The following ATP6V0A1 variants were observed in gnomAD, a reference collection of about 807,000 sequenced individuals.
ATP6V0A1 encodes ATPase H+ transporting V0 subunit a1.
In ATP6V0A1, 43 loss-of-function variants were observed where a neutral mutation model predicts 105.4. That is an observed-to-expected ratio of 0.41 (90% CI 0.32 to 0.53). ATP6V0A1 has a LOEUF of 0.53. Ranked by LOEUF, ATP6V0A1 falls within the 20% of genes least tolerant of loss-of-function variation. The pLI, the probability that ATP6V0A1 is intolerant of heterozygous loss-of-function variation, is 0.30. For synonymous variants in ATP6V0A1, 362 were observed against 372.8 expected (o/e 0.97, Z 0.33); for missense variants, 676 against 1,051.1 (o/e 0.64, Z 4.93).
chr17:42,508,705 C>T lies in ATP6V0A1; in HGVS notation c.2130+116C>T. ...GGCCATACACATGACTCCTGTGCCT[C>T]TGCATCTCACTGGCCATTTCAAACC... On this transcript the variant is annotated intron_variant, in intron 19 of 21. Coordinates refer to ENST00000343619, the MANE Select transcript of ATP6V0A1 (RefSeq NM_001130021.3). The T allele has an allele frequency of 2.9e-6, 4 of 1,377,492 alleles. No homozygotes were observed. The Admixed American group carries it at 7.2e-5, about 25-fold the overall frequency. The allele number at this position is 1,377,492 out of a possible 1,614,324, so 85.3% of individuals were successfully genotyped here.
At chr17:42,490,438 A>G in intron 10 of ATP6V0A1, 49 bp from the exon 11 acceptor site, 3 of 1,524,662 alleles carry the variant, frequency 2.0e-6, no homozygotes, top group Non-Finnish European at 2.6e-6. Context: ...AACCACTACC[A>G]CAATTAGGAG....
intron 17 of ATP6V0A1, among the ~76,000 whole-genome samples, chr17:42,505,082 C>T (rs1206470143): frequency 6.6e-6 from 1 of 151,076 alleles, no homozygotes. Context: ...TGTCACCCAG[C>T]TGTAGTGCAG....
chr17:42,459,453 C>T lies in ATP6V0A1; in HGVS notation c.-48+490C>T, dbSNP rs1407867886. Among the ~76,000 whole-genome samples, 7 of 152,162 alleles carry T rather than the reference C, an allele frequency of 4.6e-5. No homozygotes were observed. The East Asian group carries it at 1.3e-3, about 29-fold the overall frequency. On this transcript the variant is annotated intron_variant, in intron 1 of 21. Transcript: ENST00000343619. ...CTCATCTTTTGCAGAATTGCTGTTT[C>T]TTCATATTTTGTTTTGTGATCGTCC...
intron 8 of ATP6V0A1, 131 bp from the exon 9 acceptor site, chr17:42,482,907 A>C: frequency 2.1e-6 from 1 of 468,810 alleles, no homozygotes; most frequent in Non-Finnish European, 3.3e-6. Flanking sequence ...AAAAAAAAAA[A>C]AAAAAAAAAG....
chr17:42,481,535 A>T lies in ATP6V0A1; in HGVS notation c.716+786A>T, dbSNP rs542340229. On this transcript the variant is annotated intron_variant, in intron 8 of 21. Transcript: ENST00000343619. The stretch of plus-strand genomic sequence containing the variant: ...CTGTGCCTGGCCCTAAATTCATTTT[A>T]AAAAATACCATCAGAACCACAGTTG... Among the ~76,000 whole-genome samples, 8 of 152,146 alleles carry T rather than the reference A, an allele frequency of 5.3e-5. No individual in the cohort carries two copies. In the South Asian group the frequency reaches 1.5e-3, roughly 28 times the overall value.
chr17:42,484,031 T>C (rs1486287956), intron 9 of ATP6V0A1, among the ~76,000 whole-genome samples: 2 of 150,622 alleles, frequency 1.3e-5, no homozygotes, highest in African/African-American at 4.9e-5. Flanking sequence ...TCTGAGATAG[T>C]TTTTTTTGTT....
intron 20 of ATP6V0A1, 119 bp downstream of exon 20, chr17:42,514,097 G>A (rs1320741773): frequency 1.5e-6 from 2 of 1,335,058 alleles, no homozygotes; most frequent in South Asian, 1.3e-5. Flanking sequence ...TCAGGTTCCT[G>A]AACCCAAGGA....
intron 2 of ATP6V0A1, among the ~76,000 whole-genome samples, chr17:42,462,270 C>T (rs969105543): frequency 6.6e-6 from 1 of 151,672 alleles, no homozygotes; most frequent in Admixed American, 6.6e-5. Context: ...ACCTATGTTT[C>T]TACTATCTGC....
chr17:42,475,004 T>A (rs1034420312), intron 5 of ATP6V0A1, among the ~76,000 whole-genome samples: 2 of 152,334 alleles, frequency 1.3e-5, no homozygotes, highest in Admixed American at 1.3e-4. Context: ...TGGAGAGATT[T>A]CTCTGCATCT....
At chr17:42,464,014 G>A (rs2086742621) in intron 2 of ATP6V0A1, among the ~76,000 whole-genome samples, 1 of 152,130 alleles carries the variant, frequency 6.6e-6, no homozygotes, top group Non-Finnish European at 1.5e-5. Context: ...AAGGGGAGGG[G>A]TTGGTCTTAC....
At chr17:42,475,551 C>T (rs1407993400) in intron 5 of ATP6V0A1, among the ~76,000 whole-genome samples, 1 of 151,950 alleles carries the variant, frequency 6.6e-6, no homozygotes, top group African/African-American at 2.4e-5. Flanking sequence ...CATTAGTTAT[C>T]ATTATAGTGT....
Position 42,495,087 on chromosome 17 carries a change from C to T in ATP6V0A1, c.1368C>T (p.Phe456=). The T allele has an allele frequency of 6.2e-7, 1 of 1,613,932 alleles. No individual in the cohort carries two copies. Among genetic ancestry groups the T allele is most frequent in the Non-Finnish European group, 8.5e-7 (1 of 1,179,820 alleles). ...ACATTATTTTATTGATGGGTGTGTTCTCCATGTACACTGGCCTCATCTACA... is the reference window on the plus strand; with the variant it reads ...ACATTATTTTATTGATGGGTGTGTTTTCCATGTACACTGGCCTCATCTACA... ...GRYIILLMGV[F]SMYTGLIYND... is the part of the protein sequence containing the mutation. Residue 456 remains phenylalanine (F), a synonymous_variant, in exon 13 of 22, where the codon TTC becomes TTT. Transcript: ENST00000343619.
chr17:42,501,606 G>C (rs1248337043), intron 17 of ATP6V0A1, among the ~76,000 whole-genome samples: 1 of 151,742 alleles, frequency 6.6e-6, no homozygotes, highest in African/African-American at 2.4e-5. Context: ...GTAGAGACGG[G>C]GTTTCACCAT....
rs1280969658 is a variant in ATP6V0A1 at position 42,495,694 on chromosome 17, C to T, written c.1538C>T (p.Pro513Leu). ...NPALPGVFGG[P>L]YPFGIDPIWN... ...GCCCTCCCTGGAGTGTTTGGTGGAC[C>T]ATACCCTTTTGGCATTGATCCAGTA... Residue 513 changes from proline to leucine, a missense_variant, in exon 14 of 22, where the codon CCA becomes CTA. Transcript: ENST00000343619. 1 of 1,613,900 alleles carries T rather than the reference C, an allele frequency of 6.2e-7. No individual in the cohort carries two copies. Among genetic ancestry groups the T allele is most frequent in the Non-Finnish European group, 8.5e-7 (1 of 1,179,816 alleles).
chr17:42,460,027 A>G (rs2086221833), intron 1 of ATP6V0A1, among the ~76,000 whole-genome samples: 1 of 152,214 alleles, frequency 6.6e-6, no homozygotes, highest in Non-Finnish European at 1.5e-5. Flanking sequence ...CAGTTGTCTC[A>G]TACCCGGCAA....
At chr17:42,467,331 A>G (rs2087223489) in intron 3 of ATP6V0A1, among the ~76,000 whole-genome samples, 1 of 152,200 alleles carries the variant, frequency 6.6e-6, no homozygotes, top group Non-Finnish European at 1.5e-5. Context: ...AACAGTTATG[A>G]TGGAATCAGT....
intron 21 of ATP6V0A1, among the ~76,000 whole-genome samples, chr17:42,515,832 AT>A: frequency 6.6e-6 from 1 of 152,096 alleles, no homozygotes; most frequent in East Asian, 1.9e-4. Flanking sequence ...ACAACAAATA[AT>A]TTTTTTAGTA....
chr17:42,481,967 G>A (rs72628303), intron 8 of ATP6V0A1, among the ~76,000 whole-genome samples: 10,756 of 151,536 alleles, frequency 0.071, 416 homozygotes, highest in East Asian at 0.15. Flanking sequence ...TCAGCCTCCC[G>A]AGTAGCTGGG....
intron 8 of ATP6V0A1, 29 bp downstream of exon 8, chr17:42,480,778 G>A (rs779113159): frequency 1.3e-6 from 2 of 1,592,268 alleles, no homozygotes; most frequent in Non-Finnish European, 1.7e-6. Context: ...TACCAGGAGT[G>A]CACAGCCATG....
Sources: allele counts gnomAD v4.1 joint callset (sites outside exome capture counted in the v4.1 genomes callset), GRCh38; gene constraint gnomAD v4.1.1; transcripts MANE v1.5; gene names NCBI Gene and HGNC (gene_info 2026-07-23, HGNC 2026-07-21).